Variants in OPRM1 observed in about 807,000 individuals in gnomAD.
OPRM1 encodes mu-type opioid receptor.
A neutral mutation model predicts 31.8 loss-of-function variants in OPRM1; 27 were observed. That is an observed-to-expected ratio of 0.85 (90% CI 0.63 to 1.17). OPRM1 has a LOEUF of 1.17. OPRM1 is among the 50% of genes most tolerant of loss of function. The pLI, the probability that OPRM1 is intolerant of heterozygous loss-of-function variation, is 0.00. For synonymous variants in OPRM1, 196 were observed against 189.9 expected (o/e 1.03, Z -0.26); for missense variants, 536 against 511.1 (o/e 1.05, Z -0.47).
chr6:154,161,303 C>T (rs1798998945), intron 3 of OPRM1, among the ~76,000 whole-genome samples: 2 of 151,766 alleles, frequency 1.3e-5, no homozygotes, highest in African/African-American at 4.8e-5. Flanking sequence ...CTCTGCCTCC[C>T]AGGTTCAAGC....
At chr6:154,214,116 T>G in intron 3 of OPRM1, 1 of 791,216 alleles carries the variant, frequency 1.3e-6, no homozygotes, top group Non-Finnish European at 2.2e-6. Flanking sequence ...GCATGTTTCC[T>G]CAGGATCAGA....
At chr6:154,059,371 G>A (rs543712528) in intron 1 of OPRM1, among the ~76,000 whole-genome samples, 11 of 152,136 alleles carry the variant, frequency 7.2e-5, no homozygotes, top group Middle Eastern at 3.4e-3. Context: ...TGATCTAAAG[G>A]TGCTGTCATA....
At chr6:154,014,391 A>G (rs1196193397) in intron 1 of OPRM1, among the ~76,000 whole-genome samples, 1 of 152,174 alleles carries the variant, frequency 6.6e-6, no homozygotes, top group East Asian at 1.9e-4. Context: ...GTTTCCTACA[A>G]TGGACAAAAA....
chr6:154,140,163 A>G (rs1390447508), intron 3 of OPRM1, among the ~76,000 whole-genome samples: 1 of 152,220 alleles, frequency 6.6e-6, no homozygotes, highest in Non-Finnish European at 1.5e-5. Flanking sequence ...ACAGACAGAC[A>G]CTGACAGTCT....
intron 3 of OPRM1, among the ~76,000 whole-genome samples, chr6:154,224,980 T>G (rs574510442): frequency 1.4e-4 from 21 of 152,302 alleles, no homozygotes; most frequent in African/African-American, 5.1e-4. Context: ...CAATCCGCCT[T>G]ACAAAAAAGT....
chr6:154,090,035 G>C lies in OPRM1; in HGVS notation c.500G>C (p.Arg167Pro), dbSNP rs766402253. The C allele has an allele frequency of 6.2e-7, 1 of 1,613,674 alleles. No homozygotes were observed. Among genetic ancestry groups the C allele is most frequent in the African/African-American group, 1.3e-5 (1 of 74,808 alleles). ...ACCCTCTGCACCATGAGTGTTGATC[G>C]ATACATTGCAGTCTGCCACCCTGTC... is the stretch of plus-strand genomic sequence containing the variant. Reference protein sequence around the residue: ...IFTLCTMSVDRYIAVCHPVKA... With the variant: ...IFTLCTMSVDPYIAVCHPVKA... Residue 167 changes from arginine (R) to proline (P), a missense_variant, in exon 2 of 4, where the codon CGA (arginine) becomes CCA (proline). By Grantham distance (103) the Arg-to-Pro change is moderately radical. Coordinates refer to ENST00000330432, the MANE Select transcript of OPRM1 (RefSeq NM_000914.5).
chr6:154,193,551 T>C (rs551694508), intron 3 of OPRM1, among the ~76,000 whole-genome samples: 1 of 152,344 alleles, frequency 6.6e-6, no homozygotes, highest in South Asian at 2.1e-4. Flanking sequence ...CATATACTTG[T>C]ACTCTCCTGC....
intron 1 of OPRM1, chr6:154,087,773 G>A (rs929031222): frequency 6.2e-6 from 1 of 161,416 alleles, no homozygotes; most frequent in Non-Finnish European, 1.3e-5. Flanking sequence ...GTGGTTCCCA[G>A]AGTGAAACTG....
At chr6:154,146,960 A>G (rs1369351597) in intron 3 of OPRM1, among the ~76,000 whole-genome samples, 1 of 152,180 alleles carries the variant, frequency 6.6e-6, no homozygotes, top group African/African-American at 2.4e-5. Flanking sequence ...GCTTCCATCT[A>G]GTCTTGAGGG....
chr6:154,108,926 A>G (rs1796006891), intron 3 of OPRM1: 7 of 985,148 alleles, frequency 7.1e-6, no homozygotes, highest in Non-Finnish European at 8.4e-6. Flanking sequence ...ATCCAACTAT[A>G]GAAACATAGA....
downstream of OPRM1, among the ~76,000 whole-genome samples, chr6:154,136,842 G>C (rs574312039): frequency 6.6e-6 from 1 of 152,148 alleles, no homozygotes; most frequent in African/African-American, 2.4e-5. Context: ...CAAGCCGAGC[G>C]ATAGGTAGCT....
intron 1 of OPRM1, among the ~76,000 whole-genome samples, chr6:154,027,658 A>G (rs1026176006): frequency 3.9e-5 from 6 of 152,316 alleles, no homozygotes; most frequent in Admixed American, 2.0e-4. Flanking sequence ...CTGGTATTCT[A>G]TTGTACTGTG....
intron 1 of OPRM1, among the ~76,000 whole-genome samples, chr6:154,055,755 G>A (rs1783143233): frequency 1.3e-5 from 2 of 152,160 alleles, no homozygotes; most frequent in South Asian, 2.1e-4. Flanking sequence ...AACTCATTTG[G>A]TTCCCTACTG....
At chr6:154,085,396 C>T (rs763718178) in intron 1 of OPRM1, among the ~76,000 whole-genome samples, 2 of 151,978 alleles carry the variant, frequency 1.3e-5, no homozygotes, top group African/African-American at 4.8e-5. Flanking sequence ...TTTTCAAAAA[C>T]GAATAGCATT....
chr6:154,053,971 G>A (rs1455371916), intron 1 of OPRM1, among the ~76,000 whole-genome samples: 1 of 152,094 alleles, frequency 6.6e-6, no homozygotes, highest in East Asian at 1.9e-4. Flanking sequence ...TGGAACATCA[G>A]AGCCATTATA....
intron 3 of OPRM1, among the ~76,000 whole-genome samples, chr6:154,115,459 G>A (rs904821201): frequency 7.2e-5 from 11 of 152,184 alleles, no homozygotes; most frequent in Non-Finnish European, 1.2e-4. Context: ...AGAATTGCTT[G>A]AGCCTGGGAG....
intron 3 of OPRM1, among the ~76,000 whole-genome samples, chr6:154,226,972 G>A (rs539265265): frequency 5.9e-5 from 9 of 152,258 alleles, no homozygotes; most frequent in Middle Eastern, 3.4e-3. Flanking sequence ...CAAGGTGGGC[G>A]GATCACCTGA....
Position 154,090,145 on chromosome 6 carries a change from G to A in OPRM1, c.610G>A (p.Val204Ile). ...CCTCTCTTCAGCCATTGGTCTTCCT[G>A]TAATGTTCATGGCTACAACAAAATA... Reference protein sequence around the residue: ...WILSSAIGLPVMFMATTKYRQ... With the variant: ...WILSSAIGLPIMFMATTKYRQ... Residue 204 changes from valine to isoleucine, a missense_variant, in exon 2 of 4, where the codon GTA (valine) becomes ATA (isoleucine). Val to Ile is a conservative substitution (Grantham distance 29). Transcript: ENST00000330432. 4 of 1,613,668 alleles carry A rather than the reference G, an allele frequency of 2.5e-6. No individual in the cohort carries two copies. Among genetic ancestry groups the A allele is most frequent in the Non-Finnish European group, 3.4e-6 (4 of 1,179,828 alleles).
intron 1 of OPRM1, among the ~76,000 whole-genome samples, chr6:154,023,060 A>G (rs1333851939): frequency 6.6e-6 from 1 of 152,174 alleles, no homozygotes; most frequent in Non-Finnish European, 1.5e-5. Flanking sequence ...CATAAATCTT[A>G]GGACGATTTT....
Sources: allele counts gnomAD v4.1 joint callset (sites outside exome capture counted in the v4.1 genomes callset), GRCh38; gene constraint gnomAD v4.1.1; transcripts MANE v1.5; gene names NCBI Gene and HGNC (gene_info 2026-07-23, HGNC 2026-07-21).